SLC18A1: variants seen among roughly 807,000 people sequenced by gnomAD.
SLC18A1 encodes the protein chromaffin granule amine transporter.
In SLC18A1, 69 loss-of-function variants were observed where a neutral mutation model predicts 53.7. The ratio of observed to expected loss-of-function variants is 1.28; its 90% CI spans 1.06 to 1.57. The LOEUF (loss-of-function observed/expected upper bound fraction) is 1.57, where lower values mean the gene tolerates loss of function less well. SLC18A1 is among the 40% of genes most tolerant of loss of function. The pLI is 0.00. For synonymous variants in SLC18A1, 320 were observed against 248.1 expected, an observed-to-expected ratio of 1.29 and a Z score of -2.72; for missense variants, 932 against 668.1, an observed-to-expected ratio of 1.40 and a Z score of -4.35.
At chr8:20,158,924 C>T (rs7014413) in intron 10 of SLC18A1, among the ~76,000 whole-genome samples, 5,855 of 152,136 alleles carry the variant, frequency 0.038, 393 homozygotes, top group African/African-American at 0.13. Flanking sequence ...CTATTTAATA[C>T]CACCCTCACT....
chr8:20,171,195 G>C (rs367720839), intron 7 of SLC18A1, 49 bp from the exon 8 acceptor site: 5 of 1,599,162 alleles, frequency 3.1e-6, no homozygotes, highest in Non-Finnish European at 4.3e-6. Context: ...CTGATTAGCT[G>C]GGGGCTCCAA....
rs757484498 is a variant in SLC18A1 at position 20,148,077 on chromosome 8, G to T, written c.1147-7C>A. On this transcript the variant is annotated splice_region_variant and splice_polypyrimidine_tract_variant and intron_variant, in intron 12 of 15. Coordinates refer to ENST00000276373, the MANE Select transcript of SLC18A1 (RefSeq NM_003053.4). The stretch of plus-strand genomic sequence containing the variant: ...TATTGTGAGCCAGAGGAACCTGCAT[G>T]GGGAAGGAGGAAGAGTCATCAGGAC... The T allele has an allele frequency of 9.3e-6, 15 of 1,613,964 alleles. No individual in the cohort carries two copies. The highest frequency in any genetic ancestry group is 1.2e-5 in the Non-Finnish European group (14 of 1,179,862).
intron 4 of SLC18A1, among the ~76,000 whole-genome samples, chr8:20,177,403 G>A (rs1000985376): frequency 6.6e-6 from 1 of 152,168 alleles, no homozygotes; most frequent in Non-Finnish European, 1.5e-5. Flanking sequence ...TAAGAAAAAT[G>A]AGAGGCATGT....
At chr8:20,173,364 G>T (rs2072175094) in intron 5 of SLC18A1, among the ~76,000 whole-genome samples, 1 of 152,156 alleles carries the variant, frequency 6.6e-6, no homozygotes, top group Non-Finnish European at 1.5e-5. Context: ...CCCTCTGGAA[G>T]GATAACACAG....
At chr8:20,171,603 A>G (rs938182089) in intron 6 of SLC18A1, 109 bp from the exon 7 acceptor site, 9 of 810,410 alleles carry the variant, frequency 1.1e-5, no homozygotes, top group Non-Finnish European at 1.9e-5. Flanking sequence ...CTAGGGGCTA[A>G]GCTCCACCTG....
intron 8 of SLC18A1, among the ~76,000 whole-genome samples, chr8:20,170,511 C>T (rs1382202357): frequency 2.0e-5 from 3 of 152,100 alleles, no homozygotes; most frequent in Non-Finnish European, 4.4e-5. Context: ...CACTTTCTTA[C>T]TTTTTTTCCT....
intron 9 of SLC18A1, 31 bp downstream of exon 9, chr8:20,165,016 C>T (rs767496203): frequency 1.9e-6 from 3 of 1,613,834 alleles, no homozygotes; most frequent in African/African-American, 2.7e-5. Context: ...CCAGACACTC[C>T]CCGCCCAATG....
intron 10 of SLC18A1, among the ~76,000 whole-genome samples, chr8:20,161,630 G>A (rs759848130): frequency 3.3e-5 from 5 of 152,118 alleles, no homozygotes; most frequent in Non-Finnish European, 7.4e-5. Context: ...AAATAATGGT[G>A]GAACAAAGAT....
In SLC18A1 at chr8:20,148,030, T is replaced by G. The variant is rs138654774; in HGVS notation, c.1187A>C (p.Asn396Thr). 2.5e-5 allele frequency: 40 copies of G among 1,614,004 alleles called. No individual in the cohort carries two copies. The highest frequency in any genetic ancestry group is 3.3e-5 in the Non-Finnish European group (39 of 1,179,996). ...ACCTATGGCAAGGCCAAGCCCTGCA[T>G]TGGGGCCAATGAGACCAAAAATATT... is the stretch of plus-strand genomic sequence containing the variant. ...AHNIFGLIGP[N>T]AGLGLAIGMV... The change falls in exon 13 of 16, where the codon AAT (asparagine) becomes ACT (threonine). Residue 396 changes from asparagine (N) to threonine (T), a missense_variant. Transcript: ENST00000276373.
intron 12 of SLC18A1, 68 bp downstream of exon 12, chr8:20,149,607 TC>T: frequency 1.6e-6 from 2 of 1,255,092 alleles, no homozygotes; most frequent in Non-Finnish European, 2.3e-6. Flanking sequence ...TCTCTCTCTC[TC>T]TCTCTCTCTG....
At chr8:20,165,796 A>C (rs919154346) in intron 8 of SLC18A1, among the ~76,000 whole-genome samples, 1 of 152,142 alleles carries the variant, frequency 6.6e-6, no homozygotes, top group South Asian at 2.1e-4. Context: ...CACTCTTTAA[A>C]GTCAAGCTTA....
chr8:20,180,288 CAT>C (rs1426305555), intron 2 of SLC18A1, among the ~76,000 whole-genome samples: 1 of 152,058 alleles, frequency 6.6e-6, no homozygotes, highest in Non-Finnish European at 1.5e-5. Flanking sequence ...TTTTTAAAAA[CAT>C]ATGTTTTACC....
chr8:20,165,510 G>A (rs1310853827), intron 8 of SLC18A1, among the ~76,000 whole-genome samples: 2 of 152,026 alleles, frequency 1.3e-5, no homozygotes, highest in Non-Finnish European at 2.9e-5. Context: ...GCAGAGCACC[G>A]AATCCCAAAA....
intron 8 of SLC18A1, among the ~76,000 whole-genome samples, chr8:20,165,862 C>A (rs934299828): frequency 2.6e-5 from 4 of 152,148 alleles, no homozygotes; most frequent in Non-Finnish European, 5.9e-5. Context: ...GCTTCTCTCT[C>A]TTCCAGACAT....
chr8:20,165,642 A>G (rs1227683073), intron 8 of SLC18A1, among the ~76,000 whole-genome samples: 1 of 152,190 alleles, frequency 6.6e-6, no homozygotes, highest in Non-Finnish European at 1.5e-5. Context: ...CTAAACATCC[A>G]GGACCCACTC....
At chr8:20,164,087 T>C (rs1384042794) in intron 10 of SLC18A1, among the ~76,000 whole-genome samples, 2 of 152,094 alleles carry the variant, frequency 1.3e-5, no homozygotes, top group Non-Finnish European at 1.5e-5. Context: ...CAAAATTAGA[T>C]TTAGTGCTTT....
chr8:20,145,653 A>T lies in SLC18A1; in HGVS notation c.*110T>A. The stretch of plus-strand genomic sequence containing the variant: ...TGGGAGGGGAGGAAAGAAGATTCCC[A>T]GGCAGAGGTATGTGAAGCCCACTGA... On this transcript the variant is annotated 3_prime_UTR_variant, in exon 16 of 16. Transcript: ENST00000276373. 1.7e-6 allele frequency: 1 copy of T among 595,548 alleles called. No individual in the cohort carries two copies. The highest frequency in any genetic ancestry group is 3.0e-6 in the Non-Finnish European group (1 of 335,678). The allele number at this position is 595,548 out of a possible 1,614,324, so 36.9% of individuals were successfully genotyped here.
At chr8:20,150,828 C>G in intron 10 of SLC18A1, 84 bp from the exon 11 acceptor site, 1 of 1,211,850 alleles carries the variant, frequency 8.3e-7, no homozygotes, top group Non-Finnish European at 1.2e-6. Flanking sequence ...CTGAAGTCCA[C>G]CCCTGTAACC....
At chr8:20,176,203 G>A (rs1367704022) in intron 4 of SLC18A1, among the ~76,000 whole-genome samples, 2 of 152,092 alleles carry the variant, frequency 1.3e-5, no homozygotes, top group Non-Finnish European at 2.9e-5. Flanking sequence ...TGGTGAGTGA[G>A]TTCTCACTCT....
Sources: allele counts gnomAD v4.1 joint callset (sites outside exome capture counted in the v4.1 genomes callset), GRCh38; gene constraint gnomAD v4.1.1; transcripts MANE v1.5; gene names NCBI Gene and HGNC (gene_info 2026-07-23, HGNC 2026-07-21).